Variants in GPHN observed in about 807,000 individuals in gnomAD.
GPHN encodes gephyrin.
A neutral mutation model predicts 95.5 loss-of-function variants in GPHN; 17 were observed. The observed-to-expected ratio is 0.18, with a 90% CI of 0.12 to 0.27. The LOEUF (loss-of-function observed/expected upper bound fraction) is 0.27. Among genes scored for constraint, GPHN ranks in the 10% least tolerant of loss-of-function variants. GPHN has a pLI of 1.00. For missense variants in GPHN, 660 were observed against 978.1 expected, an observed-to-expected ratio of 0.67 and a Z score of 4.34; for synonymous variants, 320 against 322.5, an observed-to-expected ratio of 0.99 and a Z score of 0.08.
the GPHN span, among the ~76,000 whole-genome samples, chr14:67,644,020 T>G: frequency 0.17 from 25,838 of 152,138 alleles, 2,281 homozygotes; most frequent in East Asian, 0.25. Flanking sequence ...CTGTCTGCTG[T>G]TCTGAGTTCT....
chr14:67,656,844 T>G, the GPHN span, among the ~76,000 whole-genome samples: 1 of 152,140 alleles, frequency 6.6e-6, no homozygotes, highest in African/African-American at 2.4e-5. Flanking sequence ...AAAGATGGAT[T>G]AAAAATACTG....
rs190174683 is a variant in GPHN at position 66,886,741 on chromosome 14, G to T, written c.389+6708G>T. On this transcript the variant is annotated intron_variant, in intron 5 of 22. Coordinates refer to ENST00000478722, the MANE Select transcript of GPHN (RefSeq NM_020806.5). ...ACTGAACAGAGCCTAAGGGACCTAT[G>T]GAACAACATTAAGCAGACCAGCATA... Among the ~76,000 whole-genome samples the T allele has an allele frequency of 1.2e-3, 181 of 152,170 alleles. 2 individuals carry two copies. The highest frequency in any genetic ancestry group is 4.2e-3 in the African/African-American group (174 of 41,516).
intron 8 of GPHN, among the ~76,000 whole-genome samples, chr14:66,961,030 A>C (rs947970639): frequency 1.3e-5 from 2 of 152,094 alleles, no homozygotes; most frequent in African/African-American, 4.8e-5. Flanking sequence ...ATTCTGAGTT[A>C]AGTGAAATAA....
rs111497713 is a variant in GPHN at position 66,606,153 on chromosome 14, T to C, written c.65-74954T>C. Among the ~76,000 whole-genome samples the C allele has an allele frequency of 3.6e-3, 555 of 152,322 alleles. 12 individuals carry two copies. Among genetic ancestry groups the C allele is most frequent in the African/African-American group, 0.013 (529 of 41,556 alleles). ...CTTATCTTTACATCTTTAATCCATC[T>C]TGGGTTAATTTTTGTATGCGGTGAA... is the stretch of plus-strand genomic sequence containing the variant. On this transcript the variant is annotated intron_variant, in intron 1 of 22. Transcript: ENST00000478722.
chr14:67,332,351 A>G, the GPHN span, among the ~76,000 whole-genome samples: 1 of 152,240 alleles, frequency 6.6e-6, no homozygotes. Context: ...GCTCTTTACT[A>G]GAGCCAAAAG....
the GPHN span, chr14:67,600,207 G>GC: frequency 4.5e-6 from 7 of 1,566,490 alleles, no homozygotes; most frequent in East Asian, 2.4e-5. Flanking sequence ...CCTCCATGAC[G>GC]CCCCCACTCG....
At chr14:66,552,988 C>CTTTTTTTTTTTTTTTTT (rs2059875504) in intron 1 of GPHN, among the ~76,000 whole-genome samples, 1 of 131,850 alleles carries the variant, frequency 7.6e-6, no homozygotes, top group African/African-American at 2.9e-5. Flanking sequence ...TTTTTCTTTT[C>CTTTTTTTTTTTTTTTTT]TTTTCTTTTT....
the GPHN span, among the ~76,000 whole-genome samples, chr14:67,262,705 T>TCC: frequency 1.1e-3 from 162 of 152,294 alleles, no homozygotes; most frequent in African/African-American, 3.7e-3. Flanking sequence ...ACCTTTAGTC[T>TCC]CCCATTATTT....
intron 3 of GPHN, among the ~76,000 whole-genome samples, chr14:66,789,741 G>A (rs1181470010): frequency 6.6e-6 from 1 of 152,144 alleles, no homozygotes; most frequent in Non-Finnish European, 1.5e-5. Flanking sequence ...CATCCCCATG[G>A]GAATCTTCTC....
At chr14:66,536,846 G>A (rs2059164399) in intron 1 of GPHN, among the ~76,000 whole-genome samples, 1 of 150,170 alleles carries the variant, frequency 6.7e-6, no homozygotes, top group African/African-American at 2.5e-5. Context: ...TGAGAGTAGT[G>A]TCTTAAAATT....
At chr14:67,704,359 A>T in the GPHN span, among the ~76,000 whole-genome samples, 1 of 152,172 alleles carries the variant, frequency 6.6e-6, no homozygotes, top group Non-Finnish European at 1.5e-5. Flanking sequence ...TTTTAAAATA[A>T]TTTTTTTAGA....
rs547552033 is a variant in GPHN at position 67,161,170 on chromosome 14, T to C, written c.1910+1682T>C. Among the ~76,000 whole-genome samples, 11 of 152,228 alleles carry C rather than the reference T, an allele frequency of 7.2e-5. No homozygotes were observed. The East Asian group carries it at 2.1e-3, about 29-fold the overall frequency. On this transcript the variant is annotated intron_variant, in intron 19 of 22. Coordinates refer to ENST00000478722, the MANE Select transcript of GPHN (RefSeq NM_020806.5). Reference sequence around the variant, plus strand: ...TAGCCGGGCGTTGGTGGCTTGTGCCTCTAGTCCCAGCTACACGGGAGGCTG... The same window carrying C: ...TAGCCGGGCGTTGGTGGCTTGTGCCCCTAGTCCCAGCTACACGGGAGGCTG...
intron 11 of GPHN, among the ~76,000 whole-genome samples, chr14:67,070,500 A>T (rs2076244646): frequency 6.7e-6 from 1 of 149,718 alleles, no homozygotes; most frequent in Admixed American, 6.7e-5. Flanking sequence ...GTTCGAGGCC[A>T]GCCTGGCCAA....
At chr14:67,250,017 C>G in the GPHN span, among the ~76,000 whole-genome samples, 1 of 152,072 alleles carries the variant, frequency 6.6e-6, no homozygotes, top group Non-Finnish European at 1.5e-5. Flanking sequence ...GAGTTTCTAT[C>G]AAGATAAAGC....
chr14:67,640,540 C>T, the GPHN span, among the ~76,000 whole-genome samples: 17 of 152,114 alleles, frequency 1.1e-4, no homozygotes, highest in African/African-American at 4.1e-4. Flanking sequence ...AGAGGTAGAG[C>T]TCAAAATTAT....
At chr14:67,590,168 G>T in the GPHN span, 9 of 1,549,904 alleles carry the variant, frequency 5.8e-6, no homozygotes, top group Non-Finnish European at 7.9e-6. Flanking sequence ...CCGGGGCTTG[G>T]CACTCTGAAT....
In GPHN at chr14:66,932,444, G is replaced by GTTTTTTTTTT. The variant is rs35159325; in HGVS notation, c.828+8179_828+8188dup. Among the ~76,000 whole-genome samples the GTTTTTTTTTT allele has an allele frequency of 5.0e-3, 123 of 24,388 alleles. 38 individuals carry two copies. The highest frequency in any genetic ancestry group is 7.8e-3 in the Non-Finnish European group (107 of 13,726). The allele number at this position is 24,388 out of a possible 152,430, so 16.0% of individuals were successfully genotyped here. On this transcript the variant is annotated intron_variant, in intron 8 of 22. Transcript: ENST00000478722. ...AGGTGGGGAATCCTGCCAAGACCAG[G>GTTTTTTTTTT]TTTTTTTTTTTTTTTTTTTTTTTTT...
chr14:67,452,993 G>A, the GPHN span, among the ~76,000 whole-genome samples: 1 of 152,178 alleles, frequency 6.6e-6, no homozygotes, highest in African/African-American at 2.4e-5. Flanking sequence ...CTACTGTCTA[G>A]GGCATGGGGG....
chr14:66,910,421 A>T (rs2065615709), intron 5 of GPHN, among the ~76,000 whole-genome samples: 1 of 151,958 alleles, frequency 6.6e-6, no homozygotes, highest in Non-Finnish European at 1.5e-5. Context: ...TAGCATTGTC[A>T]GGAGAAGCAG....
Sources: gnomAD v4.1 joint callset for allele counts (sites outside exome capture counted in the v4.1 genomes callset) on GRCh38, gnomAD v4.1.1 for gene constraint, MANE v1.5 for transcripts, NCBI Gene and HGNC (gene_info 2026-07-23, HGNC 2026-07-21) for gene names.